The following BRWD1 variants were observed in gnomAD, a reference collection of about 807,000 sequenced individuals.
BRWD1 encodes the protein bromodomain and WD repeat domain containing 1.
Under a neutral mutation model 251.2 loss-of-function variants are expected in BRWD1, and 82 were observed. The ratio of observed to expected loss-of-function variants is 0.33; its 90% confidence interval spans 0.27 to 0.39. BRWD1 has a LOEUF of 0.39. Ranked by LOEUF, BRWD1 falls within the 10% of genes least tolerant of loss-of-function variation. The pLI, the probability that BRWD1 is intolerant of heterozygous loss-of-function variation, is 1.00. For synonymous variants in BRWD1, 918 were observed against 902.8 expected (o/e 1.02, Z -0.30); for missense variants, 2,233 against 2,711.6 (o/e 0.82, Z 3.92).
Position 39,247,745 on chromosome 21 carries a change from G to A in BRWD1, c.2437C>T (p.Arg813Cys), listed in dbSNP as rs201010892. 9.9e-6 allele frequency: 16 copies of A among 1,613,140 alleles called. No individual in the cohort carries two copies. The highest frequency in any genetic ancestry group is 2.2e-5 in the East Asian group (1 of 44,788). Residue 813 changes from arginine (R) to cysteine (C), a missense_variant, in exon 21 of 41, where the codon CGT becomes TGT. By Grantham distance (180) the Arg-to-Cys change is radical (BLOSUM62 -3). This residue lies in a region of BRWD1 where 214 missense variants were observed against 222.0 expected (regional missense o/e 0.96). Coordinates refer to ENST00000342449, the MANE Select transcript of BRWD1 (RefSeq NM_033656.4). ...PNYGRRNRSW[R>C]ELSSGNESSS... ...GACTCATTTCCAGAAGATAACTCAC[G>A]CCAGCTACGATTTCTTCTACCATAA...
At chr21:39,313,634 G>C (rs1031490207), upstream of BRWD1, 19 of 542,880 alleles carry the variant, frequency 3.5e-5, no homozygotes, top group Non-Finnish European at 4.4e-5. Context: ...GCGCCGCCTG[G>C]ACCGACGCCT....
intron 7 of BRWD1, 144 bp from the exon 8 acceptor site, chr21:39,294,176 A>G: frequency 1.4e-6 from 1 of 700,478 alleles, no homozygotes; most frequent in South Asian, 2.0e-5. Flanking sequence ...AATTATGACT[A>G]TGGTCAGAAC....
chr21:39,298,521 G>A lies in BRWD1; in HGVS notation c.260C>T (p.Pro87Leu), dbSNP rs1272083776. The A allele has an allele frequency of 3.1e-6, 5 of 1,610,802 alleles. No homozygotes were observed. The East Asian group carries it at 6.7e-5, about 22-fold the overall frequency. ...GGGTGGAATTTCTTTATCCAACATA[G>A]GACCGATGCGCTGGCAGATTTGCAA... ...HLLQICQRIGPMLDKEIPPSI... is the reference protein window; with the variant it reads ...HLLQICQRIGLMLDKEIPPSI... Residue 87 changes from proline (P) to leucine (L), a missense_variant, in exon 5 of 41, where the codon CCT (proline) becomes CTT (leucine). Pro to Leu is a moderately conservative substitution (Grantham distance 98). Transcript: ENST00000342449.
chr21:39,313,333 G>A (rs769327116), intron 1 of BRWD1, 34 bp from the exon 2 acceptor site: 113 of 1,517,540 alleles, frequency 7.4e-5, no homozygotes, highest in Non-Finnish European at 9.6e-5. Context: ...TCAAGCCCCG[G>A]CGGGGAGGGG....
At position 39,193,426 on chromosome 21, in the gene BRWD1, G is replaced by A. The variant is rs917107806; in HGVS notation, c.*2833C>T. 10 of 984,420 alleles carry A rather than the reference G, an allele frequency of 1.0e-5. No homozygotes were observed. The highest frequency in any genetic ancestry group is 1.2e-5 in the Non-Finnish European group (10 of 829,276). 61.0% of individuals were successfully genotyped at this position (984,420 alleles called of 1,614,324 possible). ...ATACCTTTTTAAATAAGGAGGACAC[G>A]AAAAAAGAAAGCTTTGTTAACACTC... On this transcript the variant is annotated 3_prime_UTR_variant, in exon 41 of 41. Coordinates refer to ENST00000342449, the MANE Select transcript of BRWD1 (RefSeq NM_033656.4).
intron 34 of BRWD1, among the ~76,000 whole-genome samples, chr21:39,212,309 A>C (rs2032695879): frequency 6.6e-6 from 1 of 152,122 alleles, no homozygotes; most frequent in Non-Finnish European, 1.5e-5. Flanking sequence ...AATCTACCCC[A>C]ATCATAACAG....
chr21:39,208,486 T>C (rs1032240760), intron 36 of BRWD1, among the ~76,000 whole-genome samples: 1 of 152,250 alleles, frequency 6.6e-6, no homozygotes, highest in East Asian at 1.9e-4. Flanking sequence ...TAAATGTCAC[T>C]GATTGTAGAC....
chr21:39,299,698 G>A (rs1465573359), intron 4 of BRWD1, among the ~76,000 whole-genome samples: 1 of 151,966 alleles, frequency 6.6e-6, no homozygotes, highest in Non-Finnish European at 1.5e-5. Flanking sequence ...ACTCAGGCTG[G>A]GCACGGTGGC....
upstream of BRWD1, chr21:39,314,152 G>C (rs9981301): frequency 0.62 from 281,331 of 455,646 alleles, 87,908 homozygotes; most frequent in Admixed American, 0.71. Context: ...TTCGAGGACA[G>C]GAAAGCTTTT....
At chr21:39,233,102 T>C (rs992505037) in intron 23 of BRWD1, among the ~76,000 whole-genome samples, 8 of 151,988 alleles carry the variant, frequency 5.3e-5, no homozygotes, top group Non-Finnish European at 1.5e-5. Context: ...AAATCATAAC[T>C]CAAGCAGCCA....
intron 4 of BRWD1, among the ~76,000 whole-genome samples, chr21:39,306,748 T>G (rs557979094): frequency 6.6e-6 from 1 of 152,368 alleles, no homozygotes; most frequent in South Asian, 2.1e-4. Flanking sequence ...TTATTAGAAT[T>G]GCAAGTAGTC....
intron 8 of BRWD1, among the ~76,000 whole-genome samples, chr21:39,290,939 C>T (rs1167436743): frequency 6.6e-6 from 1 of 152,052 alleles, no homozygotes; most frequent in African/African-American, 2.4e-5. Flanking sequence ...CAAGAACAGC[C>T]TGGACAACAT....
At chr21:39,243,753 G>C (rs947848015) in intron 21 of BRWD1, among the ~76,000 whole-genome samples, 3 of 151,976 alleles carry the variant, frequency 2.0e-5, no homozygotes, top group Non-Finnish European at 4.4e-5. Context: ...CACCCAGCCT[G>C]ATTTTGATAA....
Position 39,193,732 on chromosome 21 carries a change from G to T in BRWD1, c.*2527C>A, listed in dbSNP as rs1324533625. On this transcript the variant is annotated 3_prime_UTR_variant, in exon 41 of 41. Transcript: ENST00000342449. ...CTTTTTCTCAAGAATACTACAAACT[G>T]ACCCTAAACATTAAAGTACACCTGT... 1.0e-6 allele frequency: 1 copy of T among 985,170 alleles called. No individual in the cohort carries two copies. Among genetic ancestry groups the T allele is most frequent in the African/African-American group, 1.8e-5 (1 of 57,112 alleles). 61.0% of individuals were successfully genotyped at this position (985,170 alleles called of 1,614,324 possible).
chr21:39,211,907 T>C (rs1601284046), intron 34 of BRWD1, among the ~76,000 whole-genome samples: 1 of 152,178 alleles, frequency 6.6e-6, no homozygotes, highest in Non-Finnish European at 1.5e-5. Flanking sequence ...AGCATTTTCA[T>C]ATTAATAACC....
At chr21:39,320,633 C>T (rs139216116) in intron 1 of BRWD1, among the ~76,000 whole-genome samples, 252 of 151,306 alleles carry the variant, frequency 1.7e-3, no homozygotes, top group African/African-American at 5.8e-3. Context: ...ATACCCAAGC[C>T]GTTAATCTCT....
intron 4 of BRWD1, among the ~76,000 whole-genome samples, chr21:39,302,754 TAAA>T (rs11320601): frequency 1.9e-4 from 23 of 122,576 alleles, no homozygotes; most frequent in Admixed American, 5.1e-4. Context: ...GACTCCGTCT[TAAA>T]AAAAAAAAAA....
At chr21:39,318,642 GT>G (rs2036720887), upstream of BRWD1, among the ~76,000 whole-genome samples, 1 of 152,000 alleles carries the variant, frequency 6.6e-6, no homozygotes, top group African/African-American at 2.4e-5. Context: ...GCTGTTTTTT[GT>G]TTTGTTTTTT....
Position 39,196,577 on chromosome 21 carries a change from A to C in BRWD1, c.6492T>G (p.Thr2164=), listed in dbSNP as rs746970449. 6.2e-6 allele frequency: 10 copies of C among 1,613,328 alleles called. No individual in the cohort carries two copies. Among genetic ancestry groups the C allele is most frequent in the Middle Eastern group, 1.6e-4 (1 of 6,084 alleles). The change falls in exon 41 of 41, where the codon ACT becomes ACG. Residue 2164 remains threonine, a synonymous_variant. Coordinates refer to ENST00000342449, the MANE Select transcript of BRWD1 (RefSeq NM_033656.4). ...TATCAGTACAGTCAATATCTGATTCAGTTACAGATCCCAAATCTGATGATT... is the reference window on the plus strand; with the variant it reads ...TATCAGTACAGTCAATATCTGATTCCGTTACAGATCCCAAATCTGATGATT... ...SSKSSDLGSV[T]ESDIDCTDNT... is the part of the protein sequence containing the mutation.
Sources: allele counts gnomAD v4.1 joint callset (sites outside exome capture counted in the v4.1 genomes callset), GRCh38; gene constraint gnomAD v4.1.1; regional missense constraint gnomAD v4.1.1; transcripts MANE v1.5; gene names NCBI Gene and HGNC (gene_info 2026-07-23, HGNC 2026-07-21).